Variants in PCDHA2 observed in about 807,000 individuals in gnomAD.
The protein encoded by PCDHA2 is protocadherin alpha 2, also known as protocadherin alpha-2.
In PCDHA2, 58 loss-of-function variants were observed where a neutral mutation model predicts 66.0. That is an observed-to-expected ratio of 0.88 (90% CI 0.71 to 1.09). The LOEUF is 1.09. Among genes scored for constraint, PCDHA2 ranks in the 50% least tolerant of loss-of-function variants. The pLI is 0.00. For synonymous variants in PCDHA2, 634 were observed against 554.0 expected (o/e 1.14, Z -2.03); for missense variants, 1,267 against 1,242.3 (o/e 1.02, Z -0.30).
intron 1 of PCDHA2, chr5:140,806,987 C>A: frequency 3.0e-6 from 2 of 656,776 alleles, no homozygotes; most frequent in Non-Finnish European, 5.1e-6. Flanking sequence ...TTTGGAGCCA[C>A]ATGATGTCGC....
intron 1 of PCDHA2, among the ~76,000 whole-genome samples, chr5:140,819,082 C>T (rs1766488207): frequency 6.6e-6 from 1 of 152,134 alleles, no homozygotes; most frequent in South Asian, 2.1e-4. Context: ...ACAGGCAGCG[C>T]TAAGATGTGT....
intron 3 of PCDHA2, among the ~76,000 whole-genome samples, chr5:140,991,593 C>T (rs2097461164): frequency 6.6e-6 from 1 of 152,196 alleles, no homozygotes; most frequent in South Asian, 2.1e-4. Flanking sequence ...TCTACCTGAG[C>T]CCTCACTGGC....
At chr5:140,891,223 C>T (rs903810382) in intron 1 of PCDHA2, among the ~76,000 whole-genome samples, 19 of 152,110 alleles carry the variant, frequency 1.2e-4, no homozygotes, top group Non-Finnish European at 2.2e-4. Flanking sequence ...TCTTTATAAT[C>T]ATCCTGTTCT....
intron 1 of PCDHA2, among the ~76,000 whole-genome samples, chr5:140,953,761 A>C (rs1016551787): frequency 6.6e-6 from 1 of 152,202 alleles, no homozygotes; most frequent in Non-Finnish European, 1.5e-5. Flanking sequence ...TCCAAGAATT[A>C]AATTTAATAT....
intron 1 of PCDHA2, among the ~76,000 whole-genome samples, chr5:140,833,519 A>G (rs1287157587): frequency 6.6e-6 from 1 of 152,228 alleles, no homozygotes; most frequent in African/African-American, 2.4e-5. Flanking sequence ...GCATATATTC[A>G]TAACACACAA....
At chr5:140,853,682 A>C in intron 1 of PCDHA2, 5 of 988,426 alleles carry the variant, frequency 5.1e-6, no homozygotes, top group Non-Finnish European at 6.1e-6. Context: ...TGGTCAACCT[A>C]TCCTTAGACC....
intron 1 of PCDHA2, among the ~76,000 whole-genome samples, chr5:140,973,003 C>T (rs1417207719): frequency 4.0e-5 from 6 of 151,856 alleles, no homozygotes; most frequent in African/African-American, 7.3e-5. Flanking sequence ...CATTTGTGGT[C>T]GTGGTGTTGT....
chr5:140,882,283 G>A (rs1554173377), intron 1 of PCDHA2: 2 of 1,612,834 alleles, frequency 1.2e-6, no homozygotes, highest in South Asian at 1.1e-5. Flanking sequence ...TGTCTTCCTG[G>A]CAAGGAGGCC....
chr5:140,869,650 C>A, intron 1 of PCDHA2: 1 of 1,613,504 alleles, frequency 6.2e-7, no homozygotes, highest in African/African-American at 1.3e-5. Flanking sequence ...TTTAGATTCA[C>A]CAACAAATGG....
At chr5:140,991,595 C>G (rs181014489) in intron 3 of PCDHA2, among the ~76,000 whole-genome samples, 1 of 152,328 alleles carries the variant, frequency 6.6e-6, no homozygotes, top group African/African-American at 2.4e-5. Flanking sequence ...TACCTGAGCC[C>G]TCACTGGCAG....
Position 140,876,083 on chromosome 5 carries a change from A to C in PCDHA2, c.2388+78731A>C. 1 of 1,613,974 alleles carries C rather than the reference A, an allele frequency of 6.2e-7. No individual in the cohort carries two copies. The highest frequency in any genetic ancestry group is 8.5e-7 in the Non-Finnish European group (1 of 1,179,900). ...CTTCGGAAGTTATTGGACAGAGAGC[A>C]AACGCCAAAACTCAATTTATTGCTG... On this transcript the variant is annotated intron_variant, in intron 1 of 3. Coordinates refer to ENST00000526136, the MANE Select transcript of PCDHA2 (RefSeq NM_018905.3).
At chr5:140,990,792 T>C (rs1554251750) in intron 3 of PCDHA2, among the ~76,000 whole-genome samples, 2 of 152,176 alleles carry the variant, frequency 1.3e-5, no homozygotes, top group African/African-American at 4.8e-5. Flanking sequence ...CGATGAACCA[T>C]GGAATACAGA....
chr5:140,798,557 C>G (rs1030447160), intron 1 of PCDHA2, among the ~76,000 whole-genome samples: 1 of 152,126 alleles, frequency 6.6e-6, no homozygotes, highest in Non-Finnish European at 1.5e-5. Flanking sequence ...CCAATGTGTG[C>G]AGGCCTCCCA....
At chr5:140,826,562 A>G (rs2150144174) in intron 1 of PCDHA2, among the ~76,000 whole-genome samples, 15 of 152,154 alleles carry the variant, frequency 9.9e-5, no homozygotes, top group Non-Finnish European at 1.8e-4. Context: ...CCTTTGAAGG[A>G]GGGGTTTAAT....
At chr5:140,826,923 T>C (rs944702059) in intron 1 of PCDHA2, among the ~76,000 whole-genome samples, 3 of 152,076 alleles carry the variant, frequency 2.0e-5, no homozygotes, top group Non-Finnish European at 4.4e-5. Context: ...GAAAGACAGA[T>C]GGACTTAGGT....
chr5:140,801,002 C>A, intron 1 of PCDHA2: 1 of 1,406,070 alleles, frequency 7.1e-7, no homozygotes, highest in South Asian at 1.7e-5. Flanking sequence ...CGTTTAGCCA[C>A]ATGATGTCGC....
chr5:140,806,028 A>T lies in PCDHA2; in HGVS notation c.2388+8676A>T, dbSNP rs73791789. On this transcript the variant is annotated intron_variant, in intron 1 of 3. Transcript: ENST00000526136. ...CATACTCAAATGCTTATAAGAGATA[A>T]ATTAATGTAATAAATGGCCCACGCG... 6.4e-3 allele frequency among the ~76,000 whole-genome samples: 974 copies of T among 152,332 alleles called. 8 individuals carry two copies. The highest frequency in any genetic ancestry group is 0.023 in the African/African-American group (940 of 41,570).
intron 1 of PCDHA2, chr5:140,803,126 G>T: frequency 6.2e-7 from 1 of 1,613,810 alleles, no homozygotes; most frequent in Non-Finnish European, 8.5e-7. Context: ...TGGACGCCCC[G>T]CGCCATCGCC....
At chr5:140,828,983 A>T in intron 1 of PCDHA2, 1 of 1,614,204 alleles carries the variant, frequency 6.2e-7, no homozygotes, top group Non-Finnish European at 8.5e-7. Context: ...CATAGATCGA[A>T]ATACGGGAGA....
Sources: gnomAD v4.1 joint callset for allele counts (sites outside exome capture counted in the v4.1 genomes callset) on GRCh38, gnomAD v4.1.1 for gene constraint, MANE v1.5 for transcripts, NCBI Gene and HGNC (gene_info 2026-07-23, HGNC 2026-07-21) for gene names.